The following NALF1 variants were observed in gnomAD, a reference collection of about 807,000 sequenced individuals.
NALF1 encodes the protein NALCN channel auxiliary factor 1.
In NALF1, 3 loss-of-function variants were observed where a neutral mutation model predicts 48.4. That is an observed-to-expected ratio of 0.06 (90% CI 0.03 to 0.16). The LOEUF (loss-of-function observed/expected upper bound fraction) is 0.16. NALF1 is among the 10% of genes least tolerant of loss of function. The pLI is 1.00. For synonymous variants in NALF1, 262 were observed against 245.7 expected, an observed-to-expected ratio of 1.07 and a Z score of -0.62; for missense variants, 526 against 571.5, an observed-to-expected ratio of 0.92 and a Z score of 0.81.
intron 2 of NALF1, among the ~76,000 whole-genome samples, chr13:107,176,171 T>C (rs1430061447): frequency 6.6e-6 from 1 of 152,204 alleles, no homozygotes; most frequent in East Asian, 1.9e-4. Context: ...CAAGTACAAT[T>C]GCACTAATTA....
At position 107,866,003 on chromosome 13, in the gene NALF1, C is replaced by T. The variant is rs946175408; in HGVS notation, c.594G>A (p.Gly198=). 2 of 1,612,284 alleles carry T rather than the reference C, an allele frequency of 1.2e-6. No individual in the cohort carries two copies. The highest frequency in any genetic ancestry group is 3.3e-5 in the Admixed American group (2 of 60,028). The change falls in exon 1 of 3, where the codon GGG becomes GGA. Residue 198 remains glycine, a synonymous_variant. Coordinates refer to ENST00000375915, the MANE Select transcript of NALF1 (RefSeq NM_001080396.3). The surrounding 1 kb of genome is among the most constrained non-coding windows in gnomAD (Gnocchi z 4.4). ...CCTCCTGCCCGTCCCCCCCGGCCGCCCCCCGACTCCAGTTCCTGGCGCACA... is the reference window on the plus strand; with the variant it reads ...CCTCCTGCCCGTCCCCCCCGGCCGCTCCCCGACTCCAGTTCCTGGCGCACA... The part of the protein sequence containing the change: ...DAVCARNWSR[G]AAGGDGQEVR...
chr13:107,714,114 A>T (rs1310356222), intron 1 of NALF1, among the ~76,000 whole-genome samples: 1 of 152,262 alleles, frequency 6.6e-6, no homozygotes, highest in Non-Finnish European at 1.5e-5. Flanking sequence ...ATAGAAAATC[A>T]AAATTCAAAA....
intron 1 of NALF1, among the ~76,000 whole-genome samples, chr13:107,649,975 T>C (rs1880405770): frequency 6.6e-6 from 1 of 152,152 alleles, no homozygotes; most frequent in Non-Finnish European, 1.5e-5. Context: ...CTTTGGCCAA[T>C]AAATTATAGA....
At chr13:107,796,400 T>C (rs1371896381) in intron 1 of NALF1, among the ~76,000 whole-genome samples, 3 of 152,240 alleles carry the variant, frequency 2.0e-5, no homozygotes, top group Non-Finnish European at 4.4e-5. Context: ...TGTTTTAAGA[T>C]AATCTTTTTG....
chr13:107,351,271 G>C (rs1269262209), intron 1 of NALF1, among the ~76,000 whole-genome samples: 1 of 152,118 alleles, frequency 6.6e-6, no homozygotes, highest in South Asian at 2.1e-4. Context: ...AAAATAAATT[G>C]TGAAGGAGAT....
chr13:107,689,622 T>C (rs1212624926), intron 1 of NALF1, among the ~76,000 whole-genome samples: 1 of 152,138 alleles, frequency 6.6e-6, no homozygotes, highest in East Asian at 1.9e-4. Flanking sequence ...ATCAGAGTCA[T>C]GGCAGATATT....
At chr13:107,303,143 C>T (rs1169704388) in intron 1 of NALF1, among the ~76,000 whole-genome samples, 6 of 151,934 alleles carry the variant, frequency 3.9e-5, no homozygotes, top group African/African-American at 1.5e-4. Context: ...AATGTCTGAT[C>T]GTTTTAAGCT....
At chr13:107,295,887 C>T (rs576529789) in intron 1 of NALF1, among the ~76,000 whole-genome samples, 1 of 152,336 alleles carries the variant, frequency 6.6e-6, no homozygotes, top group African/African-American at 2.4e-5. Context: ...ACAGAAACTA[C>T]TGGTTATTCC....
At chr13:107,347,439 C>A (rs940013867) in intron 1 of NALF1, among the ~76,000 whole-genome samples, 4 of 152,344 alleles carry the variant, frequency 2.6e-5, no homozygotes, top group African/African-American at 9.6e-5. Context: ...ACAAACATAA[C>A]CAGCCATGCT....
At chr13:107,259,304 G>A (rs1880883863) in intron 1 of NALF1, among the ~76,000 whole-genome samples, 1 of 152,134 alleles carries the variant, frequency 6.6e-6, no homozygotes, top group South Asian at 2.1e-4. Context: ...TGGTAATCAG[G>A]AGTCCCAGGG....
intron 1 of NALF1, among the ~76,000 whole-genome samples, chr13:107,365,562 C>A (rs1450842526): frequency 6.6e-6 from 1 of 152,138 alleles, no homozygotes; most frequent in East Asian, 1.9e-4. Context: ...TATTTGTGGT[C>A]TTTTGTTGTT....
intron 1 of NALF1, among the ~76,000 whole-genome samples, chr13:107,519,190 C>G (rs1424112662): frequency 6.6e-6 from 1 of 151,938 alleles, no homozygotes; most frequent in Non-Finnish European, 1.5e-5. Flanking sequence ...TTACAGGGGT[C>G]TCCAACCAGA....
chr13:107,236,101 A>G (rs919209203), intron 1 of NALF1, among the ~76,000 whole-genome samples: 1 of 152,070 alleles, frequency 6.6e-6, no homozygotes, highest in Non-Finnish European at 1.5e-5. Flanking sequence ...CCCACTTCTG[A>G]CTTCTGTCCC....
At position 107,866,919 on chromosome 13, in the gene NALF1, A is replaced by G. The variant is rs1481876335; in HGVS notation, c.-323T>C. ...ATAATGGAGAGAGAGAGAGAGAGAG[A>G]GACGGAGGAGGCTGGTGCTGGTGGC... On this transcript the variant is annotated 5_prime_UTR_variant, in exon 1 of 3. Coordinates refer to ENST00000375915, the MANE Select transcript of NALF1 (RefSeq NM_001080396.3). This position sits in a 1 kb window ranked among gnomAD's most constrained non-coding sequence, Gnocchi z 4.4. Among the ~76,000 whole-genome samples the G allele has an allele frequency of 1.3e-5, 2 of 151,966 alleles. No individual in the cohort carries two copies. The highest frequency in any genetic ancestry group is 2.9e-5 in the Non-Finnish European group (2 of 67,970).
chr13:107,623,825 C>T (rs951706207), intron 1 of NALF1, among the ~76,000 whole-genome samples: 2 of 152,172 alleles, frequency 1.3e-5, no homozygotes, highest in East Asian at 1.9e-4. Context: ...GATAATACTT[C>T]GTCAGGGGCT....
chr13:107,703,290 AAT>A (rs1881868598), intron 1 of NALF1, among the ~76,000 whole-genome samples: 1 of 152,052 alleles, frequency 6.6e-6, no homozygotes, highest in East Asian at 1.9e-4. Context: ...ATATCCAAAT[AAT>A]ATGTTTCTTC....
At chr13:107,610,049 T>C (rs977458914) in intron 1 of NALF1, among the ~76,000 whole-genome samples, 1 of 152,170 alleles carries the variant, frequency 6.6e-6, no homozygotes, top group Non-Finnish European at 1.5e-5. Context: ...AAATGAAAAT[T>C]ACAATGAAAT....
intron 1 of NALF1, among the ~76,000 whole-genome samples, chr13:107,420,537 AGCTGACAAGTAACATCAT>A (rs1884168038): frequency 6.6e-6 from 1 of 152,178 alleles, no homozygotes; most frequent in African/African-American, 2.4e-5. Flanking sequence ...GAGAAATTTC[AGCTGACAAGTAACATCAT>A]AGTGGTAGTC....
chr13:107,734,094 A>G (rs527544449), intron 1 of NALF1, among the ~76,000 whole-genome samples: 3 of 152,324 alleles, frequency 2.0e-5, no homozygotes, highest in Admixed American at 2.0e-4. Flanking sequence ...AATGTGTTGC[A>G]CTACGGTGTT....
Sources: allele counts gnomAD v4.1 joint callset (sites outside exome capture counted in the v4.1 genomes callset), GRCh38; gene constraint gnomAD v4.1.1; non-coding constraint Gnocchi (gnomAD v3.1); transcripts MANE v1.5; gene names NCBI Gene and HGNC (gene_info 2026-07-23, HGNC 2026-07-21).